Variants in RBPMS observed in about 807,000 individuals in gnomAD.
The protein encoded by RBPMS is RNA binding protein, mRNA processing factor.
Under a neutral mutation model 26.8 loss-of-function variants are expected in RBPMS, and 7 were observed. The ratio of observed to expected loss-of-function variants is 0.26; its 90% CI spans 0.15 to 0.49. The LOEUF (loss-of-function observed/expected upper bound fraction) is 0.49. RBPMS is among the 20% of genes least tolerant of loss of function. The pLI is 0.98. For missense variants in RBPMS, 186 were observed against 250.0 expected (o/e 0.74, Z 1.73); for synonymous variants, 96 against 93.3 (o/e 1.03, Z -0.17).
intron 1 of RBPMS, among the ~76,000 whole-genome samples, chr8:30,435,085 G>T (rs1812318220): frequency 6.6e-6 from 1 of 152,074 alleles, no homozygotes; most frequent in South Asian, 2.1e-4. Context: ...CTGAAAATCT[G>T]AAATGCTCCA....
chr8:30,507,744 G>A (rs1821214507), intron 5 of RBPMS, among the ~76,000 whole-genome samples: 2 of 152,282 alleles, frequency 1.3e-5, no homozygotes, highest in Middle Eastern at 3.4e-3. Context: ...CAGGAATGTA[G>A]TATTCTATAA....
chr8:30,426,855 G>C (rs764769096), intron 1 of RBPMS, among the ~76,000 whole-genome samples: 3 of 150,486 alleles, frequency 2.0e-5, no homozygotes, highest in Non-Finnish European at 4.4e-5. Flanking sequence ...AACACACACA[G>C]ACATACACAC....
chr8:30,563,669 T>C (rs1827678158), intron 7 of RBPMS, among the ~76,000 whole-genome samples: 1 of 152,184 alleles, frequency 6.6e-6, no homozygotes, highest in African/African-American at 2.4e-5. Context: ...CTCTTCTGTT[T>C]TGGGTGGAAT....
intron 1 of RBPMS, among the ~76,000 whole-genome samples, chr8:30,420,985 ATACT>A (rs1321251118): frequency 6.6e-6 from 1 of 152,194 alleles, no homozygotes; most frequent in Admixed American, 6.5e-5. Flanking sequence ...AAAGTTTAAA[ATACT>A]TACCTATTTG....
chr8:30,547,463 ATT>A, intron 6 of RBPMS: 1 of 1,574,888 alleles, frequency 6.3e-7, no homozygotes, highest in Non-Finnish European at 8.6e-7. Context: ...CACAAAAACT[ATT>A]TCTTGACGAC....
chr8:30,410,184 ACAC>A (rs1563291308), intron 1 of RBPMS, among the ~76,000 whole-genome samples: 1 of 145,782 alleles, frequency 6.9e-6, no homozygotes, highest in African/African-American at 2.7e-5. Context: ...ACACACACAC[ACAC>A]ACACTTAACT....
At chr8:30,531,434 A>G (rs980165772) in intron 5 of RBPMS, among the ~76,000 whole-genome samples, 1 of 152,208 alleles carries the variant, frequency 6.6e-6, no homozygotes, top group Non-Finnish European at 1.5e-5. Flanking sequence ...GCAACCTTTT[A>G]GTGTTGGAAG....
In RBPMS at chr8:30,503,130, C is replaced by G. The variant is rs186984556; in HGVS notation, c.247-1156C>G. Among the ~76,000 whole-genome samples the G allele has an allele frequency of 3.1e-3, 478 of 152,318 alleles. 4 individuals carry two copies. The highest frequency in any genetic ancestry group is 0.011 in the African/African-American group (453 of 41,568). On this transcript the variant is annotated intron_variant, in intron 4 of 8. Coordinates refer to ENST00000397323, the MANE Select transcript of RBPMS (RefSeq NM_001008710.3). ...GACCTCTCTTTCCTTCCCCTTCCCC[C>G]CTTGTTTCCTGTTAATGCCATTACC...
intron 1 of RBPMS, chr8:30,453,707 C>T (rs966943812): frequency 7.9e-5 from 12 of 152,144 alleles, no homozygotes; most frequent in Admixed American, 3.3e-4. Context: ...CGGCCTGATT[C>T]AAAGGCCTCT....
At position 30,446,802 on chromosome 8, in the gene RBPMS, T is replaced by TGTGCGTGC. The variant is rs1184305172; in HGVS notation, c.67-27974_67-27973insCGTGCGTG. 6 of 66,788 alleles carry TGTGCGTGC rather than the reference T, an allele frequency of 9.0e-5. 1 individual carries two copies. The highest frequency in any genetic ancestry group is 5.1e-4 in the African/African-American group (6 of 11,856). The allele number at this position is 66,788 out of a possible 1,614,324, so 4.1% of individuals were successfully genotyped here. ...CATGCCACCACACATGGCTTGTGTG[T>TGTGCGTGC]GTGTGTGTGTGTGTGTGTGTGTGTG... On this transcript the variant is annotated intron_variant, in intron 1 of 8. Coordinates refer to ENST00000397323, the MANE Select transcript of RBPMS (RefSeq NM_001008710.3).
intron 7 of RBPMS, among the ~76,000 whole-genome samples, chr8:30,563,627 A>G (rs1239064223): frequency 6.6e-6 from 1 of 152,132 alleles, no homozygotes; most frequent in Non-Finnish European, 1.5e-5. Flanking sequence ...TGCAAGAGAG[A>G]ACGTGACGGA....
At chr8:30,447,716 T>C (rs1020842559) in intron 1 of RBPMS, among the ~76,000 whole-genome samples, 2 of 152,218 alleles carry the variant, frequency 1.3e-5, no homozygotes, top group Non-Finnish European at 2.9e-5. Flanking sequence ...TTCATTGAAA[T>C]AAATATTTTC....
intron 6 of RBPMS, among the ~76,000 whole-genome samples, chr8:30,557,646 C>T (rs1827061406): frequency 6.6e-6 from 1 of 152,186 alleles, no homozygotes; most frequent in Non-Finnish European, 1.5e-5. Context: ...CCTCCTCTGC[C>T]ACCCTGCGGG....
chr8:30,385,509 A>T, intron 1 of RBPMS: 2 of 194,626 alleles, frequency 1.0e-5, no homozygotes, highest in Non-Finnish European at 2.1e-5. Flanking sequence ...GGGGCTGGAA[A>T]TTGTGTATGG....
At chr8:30,447,863 CAG>C (rs1346378357) in intron 1 of RBPMS, among the ~76,000 whole-genome samples, 2 of 152,002 alleles carry the variant, frequency 1.3e-5, no homozygotes, top group Non-Finnish European at 2.9e-5. Flanking sequence ...AATTTTAAAA[CAG>C]TGTTAATACA....
intron 7 of RBPMS, among the ~76,000 whole-genome samples, chr8:30,563,783 G>A (rs1297140637): frequency 1.3e-5 from 2 of 152,136 alleles, no homozygotes; most frequent in East Asian, 3.9e-4. Flanking sequence ...AAGGCACTGG[G>A]GCTCCAGAGG....
At chr8:30,529,497 C>T (rs1823969670) in intron 5 of RBPMS, among the ~76,000 whole-genome samples, 1 of 150,702 alleles carries the variant, frequency 6.6e-6, no homozygotes, top group South Asian at 2.2e-4. Flanking sequence ...AGCAAAACTC[C>T]ACCTAAAAAA....
rs1233724764 is a variant in RBPMS, at chr8:30,571,797, A to G, written c.*1272A>G. 1 of 152,278 alleles carries G rather than the reference A, an allele frequency of 6.6e-6. No homozygotes were observed. The highest frequency in any genetic ancestry group is 2.4e-5 in the African/African-American group (1 of 41,470). 9.4% of individuals were successfully genotyped at this position (152,278 alleles called of 1,614,324 possible). On this transcript the variant is annotated 3_prime_UTR_variant, in exon 9 of 9. Transcript: ENST00000397323. ...TTGACACATCTCCAGAGTTCATGAC[A>G]GCTCAACCTCTCCCCTTGTACAGAA...
At chr8:30,407,822 A>G (rs1400713954) in intron 1 of RBPMS, among the ~76,000 whole-genome samples, 2 of 113,090 alleles carry the variant, frequency 1.8e-5, no homozygotes, top group African/African-American at 7.0e-5. Context: ...CAGCTAATAA[A>G]TAACAGCCTG....
Sources: gnomAD v4.1 joint callset for allele counts (sites outside exome capture counted in the v4.1 genomes callset) on GRCh38, gnomAD v4.1.1 for gene constraint, MANE v1.5 for transcripts, NCBI Gene and HGNC (gene_info 2026-07-23, HGNC 2026-07-21) for gene names.